The following PRKN variants were observed in gnomAD, a reference collection of about 807,000 sequenced individuals.
PRKN encodes the protein parkin RBR E3 ubiquitin protein ligase.
In PRKN, 56 loss-of-function variants were observed where a neutral mutation model predicts 59.5. The ratio of observed to expected loss-of-function variants is 0.94; its 90% CI spans 0.76 to 1.18. The LOEUF is 1.18. PRKN is among the 50% of genes most tolerant of loss of function. PRKN has a pLI of 0.00. For missense variants in PRKN, 657 were observed against 596.4 expected (o/e 1.10, Z -1.06); for synonymous variants, 250 against 222.1 (o/e 1.13, Z -1.12).
chr6:162,036,181 G>A (rs1044111360), intron 5 of PRKN, among the ~76,000 whole-genome samples: 4 of 151,434 alleles, frequency 2.6e-5, no homozygotes, highest in African/African-American at 4.8e-5. Flanking sequence ...AAAATTAGCC[G>A]GGCGTGGTGG....
At chr6:162,711,423 A>AAC (rs1457791026) in intron 1 of PRKN, among the ~76,000 whole-genome samples, 1 of 151,426 alleles carries the variant, frequency 6.6e-6, no homozygotes, top group African/African-American at 2.4e-5. Context: ...TGCTATTTAA[A>AAC]AAAAAAAAAA....
Position 162,021,964 on chromosome 6 carries a change from T to C in PRKN, c.618+32127A>G, listed in dbSNP as rs946822163. ...ATGCAATTATTTGATTTTTTGTTTC[T>C]GCATTAATTCCCCTAGGATTATGGC... On this transcript the variant is annotated intron_variant, in intron 5 of 11. Coordinates refer to ENST00000366898, the MANE Select transcript of PRKN (RefSeq NM_004562.3). Among the ~76,000 whole-genome samples the C allele has an allele frequency of 2.0e-5, 3 of 152,178 alleles. No homozygotes were observed. In the South Asian group the frequency reaches 6.2e-4, roughly 31 times the overall value.
intron 1 of PRKN, among the ~76,000 whole-genome samples, chr6:162,553,535 T>A (rs1779413991): frequency 1.5e-5 from 1 of 65,648 alleles, no homozygotes; most frequent in Non-Finnish European, 3.2e-5. Flanking sequence ...ACCCAAATGT[T>A]TACTACCAAA....
Position 162,290,627 on chromosome 6 carries a change from C to G in PRKN, c.172-27862G>C, listed in dbSNP as rs191324634. 4.9e-4 allele frequency among the ~76,000 whole-genome samples: 75 copies of G among 152,076 alleles called. 1 individual carries two copies. Among genetic ancestry groups the G allele is most frequent in the Non-Finnish European group, 1.0e-3 (68 of 68,002 alleles). ...TAGTAATATTATGACAATATTAATG[C>G]CGTAGATTTTCAAGCTAAAACAGAT... On this transcript the variant is annotated intron_variant, in intron 2 of 11. Coordinates refer to ENST00000366898, the MANE Select transcript of PRKN (RefSeq NM_004562.3).
At chr6:162,482,861 T>C (rs565956035) in intron 1 of PRKN, among the ~76,000 whole-genome samples, 66 of 152,304 alleles carry the variant, frequency 4.3e-4, no homozygotes, top group African/African-American at 1.4e-3. Context: ...AAATTTATTA[T>C]CCATCATACC....
intron 1 of PRKN, among the ~76,000 whole-genome samples, chr6:162,701,882 CA>C (rs1562508971): frequency 8.1e-4 from 101 of 124,594 alleles, no homozygotes; most frequent in Non-Finnish European, 1.3e-3. Flanking sequence ...CACACACACA[CA>C]CACCCCCCCG....
At chr6:162,639,627 G>A (rs965284063) in intron 1 of PRKN, among the ~76,000 whole-genome samples, 1 of 152,062 alleles carries the variant, frequency 6.6e-6, no homozygotes, top group African/African-American at 2.4e-5. Flanking sequence ...AACACCCAAA[G>A]CAACAGAAAA....
intron 1 of PRKN, among the ~76,000 whole-genome samples, chr6:162,623,404 C>T (rs1242756885): frequency 6.6e-6 from 1 of 152,108 alleles, no homozygotes; most frequent in Non-Finnish European, 1.5e-5. Flanking sequence ...ATTAAACGCT[C>T]CAGAATTTAA....
chr6:161,971,335 A>G (rs1780798442), intron 6 of PRKN, among the ~76,000 whole-genome samples: 1 of 152,302 alleles, frequency 6.6e-6, no homozygotes. Context: ...TTTTAATGTC[A>G]TGTTTACCAA....
chr6:162,358,227 A>C (rs1357713641), intron 2 of PRKN, among the ~76,000 whole-genome samples: 1 of 152,224 alleles, frequency 6.6e-6, no homozygotes, highest in Non-Finnish European at 1.5e-5. Flanking sequence ...CTGTAATCCT[A>C]AAATTACAGA....
chr6:161,890,688 C>CT (rs1361085571), intron 6 of PRKN, among the ~76,000 whole-genome samples: 2 of 152,190 alleles, frequency 1.3e-5, no homozygotes, highest in African/African-American at 4.8e-5. Flanking sequence ...TGGGAAAAGT[C>CT]TGTCTTTCTC....
chr6:162,079,304 C>A (rs529768102), intron 4 of PRKN, among the ~76,000 whole-genome samples: 4 of 152,290 alleles, frequency 2.6e-5, no homozygotes, highest in African/African-American at 7.2e-5. Flanking sequence ...ACAGAATAGG[C>A]AGATACTCCG....
intron 4 of PRKN, among the ~76,000 whole-genome samples, chr6:162,179,968 CTGTGTG>C (rs61592555): frequency 0.076 from 10,567 of 139,722 alleles, 570 homozygotes; most frequent in African/African-American, 0.16. Context: ...TATCTTATTA[CTGTGTG>C]TGTGTGTGTG....
chr6:162,707,267 T>A (rs372128327), intron 1 of PRKN, among the ~76,000 whole-genome samples: 1 of 152,198 alleles, frequency 6.6e-6, no homozygotes, highest in East Asian at 1.9e-4. Flanking sequence ...AAGCAAAAAC[T>A]GAAAGTATTC....
intron 1 of PRKN, among the ~76,000 whole-genome samples, chr6:162,517,657 C>T (rs566983837): frequency 7.2e-4 from 109 of 152,074 alleles, no homozygotes; most frequent in Admixed American, 1.6e-3. Context: ...AATAATCTTA[C>T]ACTAATCTTA....
intron 2 of PRKN, among the ~76,000 whole-genome samples, chr6:162,419,614 C>T (rs1555010): frequency 0.51 from 78,230 of 151,914 alleles, 20,521 homozygotes; most frequent in East Asian, 0.69. Flanking sequence ...GTGCCCACAA[C>T]GCTCCCAAGT....
chr6:162,528,040 C>T (rs995592236), intron 1 of PRKN, among the ~76,000 whole-genome samples: 5 of 100,454 alleles, frequency 5.0e-5, no homozygotes, highest in African/African-American at 1.5e-4. Context: ...TGATTGTAAT[C>T]CCAGCACTTT....
chr6:162,295,426 C>A (rs931690086), intron 2 of PRKN, among the ~76,000 whole-genome samples: 4 of 152,134 alleles, frequency 2.6e-5, no homozygotes, highest in African/African-American at 9.7e-5. Context: ...GACATGGCTA[C>A]ACACAGGCCC....
At chr6:162,510,543 G>C (rs4708965) in intron 1 of PRKN, among the ~76,000 whole-genome samples, 100,844 of 152,032 alleles carry the variant, frequency 0.66, 35,949 homozygotes, top group Middle Eastern at 0.84. Context: ...ATCCAGCTCT[G>C]AGCCCTCCAG....
Sources: gnomAD v4.1 joint callset for allele counts (sites outside exome capture counted in the v4.1 genomes callset) on GRCh38, gnomAD v4.1.1 for gene constraint, MANE v1.5 for transcripts, NCBI Gene and HGNC (gene_info 2026-07-23, HGNC 2026-07-21) for gene names.